The following RIF1 variants were observed in gnomAD, a reference collection of about 807,000 sequenced individuals.
RIF1 encodes telomere-associated protein RIF1.
A neutral mutation model predicts 247.1 loss-of-function variants in RIF1; 45 were observed. The observed-to-expected ratio is 0.18, with a 90% CI of 0.14 to 0.23. The LOEUF is 0.23. RIF1 is among the 10% of genes least tolerant of loss of function. RIF1 has a pLI of 1.00. For synonymous variants in RIF1, 1,087 were observed against 978.8 expected, an observed-to-expected ratio of 1.11 and a Z score of -2.06; for missense variants, 2,967 against 2,862.5, an observed-to-expected ratio of 1.04 and a Z score of -0.83.
intron 20 of RIF1, among the ~76,000 whole-genome samples, chr2:151,451,167 C>G (rs1278763822): frequency 6.6e-6 from 1 of 152,178 alleles, no homozygotes; most frequent in African/African-American, 2.4e-5. Context: ...GACCGCAAAT[C>G]TAGTGCTACA....
At chr2:151,456,508 G>T in intron 22 of RIF1, 70 bp from the exon 23 acceptor site, 2 of 812,784 alleles carry the variant, frequency 2.5e-6, no homozygotes, top group Non-Finnish European at 4.0e-6. Flanking sequence ...TTTTTCTTAG[G>T]ATTAGCTTGA....
In RIF1 at chr2:151,460,163, A is replaced by G. The variant is rs748239733; in HGVS notation, c.3075+44A>G. ...AATCAAAAATTTTAAGATAAAGTAT[A>G]TTGTAACTTACATACAACTTTAAAA... On this transcript the variant is annotated intron_variant, in intron 26 of 35. Coordinates refer to ENST00000444746, the MANE Select transcript of RIF1 (RefSeq NM_018151.5). 14 of 1,382,532 alleles carry G rather than the reference A, an allele frequency of 1.0e-5. No homozygotes were observed. In the African/African-American group the frequency reaches 1.6e-4, roughly 16 times the overall value. The allele number at this position is 1,382,532 out of a possible 1,614,324, so 85.6% of individuals were successfully genotyped here.
chr2:151,482,480 A>C (rs1291090192), downstream of RIF1, among the ~76,000 whole-genome samples: 2 of 152,086 alleles, frequency 1.3e-5, no homozygotes, highest in African/African-American at 4.8e-5. Flanking sequence ...GGTTTCGTCA[A>C]ATAAGGGCTG....
intron 21 of RIF1, among the ~76,000 whole-genome samples, chr2:151,452,303 T>C (rs1694448610): frequency 1.3e-5 from 2 of 152,224 alleles, no homozygotes; most frequent in Admixed American, 1.3e-4. Flanking sequence ...CAAATAGTTT[T>C]TAAAATCTGT....
At chr2:151,512,699 G>A (rs575237517), downstream of RIF1, 1 of 1,390,512 alleles carries the variant, frequency 7.2e-7, no homozygotes, top group South Asian at 1.2e-5. Flanking sequence ...TCATGATTGG[G>A]GTTTATGAGT....
At chr2:151,530,784 CCAGGTGT>C in the RIF1 span, 1 of 415,068 alleles carries the variant, frequency 2.4e-6, no homozygotes, top group Non-Finnish European at 4.3e-6. Flanking sequence ...TGACTGAGCC[CCAGGTGT>C]CTGCCAGCAA....
At chr2:151,411,386 T>TC in intron 3 of RIF1, 48 bp downstream of exon 3, 2 of 1,287,326 alleles carry the variant, frequency 1.6e-6, no homozygotes, top group Non-Finnish European at 2.2e-6. Flanking sequence ...TAGTTTGGTT[T>TC]TTTTTTTTGG....
At chr2:151,484,881 T>C (rs1404993223), downstream of RIF1, among the ~76,000 whole-genome samples, 3 of 152,174 alleles carry the variant, frequency 2.0e-5, no homozygotes, top group African/African-American at 4.8e-5. Flanking sequence ...GAGGTGTACG[T>C]TGGTCATTCG....
intron 11 of RIF1, chr2:151,499,578 G>T: frequency 2.2e-6 from 1 of 449,212 alleles, no homozygotes. Flanking sequence ...TGAAATATCA[G>T]TGTATTTGAT....
Position 151,496,474 on chromosome 2 carries a change from C to T in RIF1, c.*513+1148C>T, listed in dbSNP as rs566673738. 9.5e-6 allele frequency: 14 copies of T among 1,468,974 alleles called. No homozygotes were observed. The South Asian group carries it at 1.6e-4, about 17-fold the overall frequency. The allele number at this position is 1,468,974 out of a possible 1,614,324, so 91.0% of individuals were successfully genotyped here. A position where few individuals can be genotyped will look rare whatever the true frequency, so the allele number is the denominator to read the frequency against. On this transcript the variant is annotated intron_variant and NMD_transcript_variant, in intron 10 of 13. Transcript: ENST00000454583. Reference sequence around the variant, plus strand: ...TCCTTGTTAAGAAAACACAGTCGTCCAAGGAGCCAGAAGTTATATGCTGAC... The same window carrying T: ...TCCTTGTTAAGAAAACACAGTCGTCTAAGGAGCCAGAAGTTATATGCTGAC...
chr2:151,491,940 A>G (rs1459596125), intron 9 of RIF1: 2 of 995,242 alleles, frequency 2.0e-6, no homozygotes, highest in South Asian at 1.6e-5. Context: ...TAAGGTAGAA[A>G]TCAGCTTTGT....
At chr2:151,516,595 C>T in the RIF1 span, 2 of 1,391,982 alleles carry the variant, frequency 1.4e-6, no homozygotes, top group Middle Eastern at 1.8e-4. Flanking sequence ...AGATATCTCT[C>T]CTCTGGTCAA....
intron 18 of RIF1, 57 bp from the exon 19 acceptor site, chr2:151,445,281 A>G: frequency 1.0e-6 from 1 of 971,392 alleles, no homozygotes; most frequent in Non-Finnish European, 1.7e-6. Flanking sequence ...TTATGTTACT[A>G]CTTAGGATTA....
chr2:151,462,505 A>C, intron 29 of RIF1, 39 bp downstream of exon 29: 1 of 1,324,784 alleles, frequency 7.5e-7, no homozygotes, highest in Non-Finnish European at 1.1e-6. Context: ...TTTTAGAATC[A>C]CCCTTCCATT....
chr2:151,465,675 A>G lies in RIF1; in HGVS notation c.6155A>G (p.Asp2052Gly), dbSNP rs971575242. ...ATAACTACCAAAACCTCAAAGCCTG[A>G]TGAAGCTGAAACAAACATGTTGACT... ...EGITTKTSKP[D>G]EAETNMLTAE... The change falls in exon 30 of 36, where the codon GAT (aspartate) becomes GGT (glycine). Residue 2052 changes from aspartate to glycine, a missense_variant. Coordinates refer to ENST00000444746, the MANE Select transcript of RIF1 (RefSeq NM_018151.5). 26 of 1,614,194 alleles carry G rather than the reference A, an allele frequency of 1.6e-5. No homozygotes were observed. Among genetic ancestry groups the G allele is most frequent in the Non-Finnish European group, 2.2e-5 (26 of 1,180,032 alleles).
At chr2:151,533,864 C>T in the RIF1 span, among the ~76,000 whole-genome samples, 1,887 of 152,202 alleles carry the variant, frequency 0.012, 40 homozygotes, top group African/African-American at 0.043. Flanking sequence ...GTCTTCTTTC[C>T]TTCCATTAAT....
chr2:151,413,583 C>G (rs1388122521), intron 3 of RIF1, among the ~76,000 whole-genome samples: 2 of 152,178 alleles, frequency 1.3e-5, no homozygotes, highest in Non-Finnish European at 1.5e-5. Context: ...GGAACACTTT[C>G]AAGTAAGTTT....
chr2:151,465,268 T>C lies in RIF1; in HGVS notation c.5748T>C (p.Thr1916=), dbSNP rs745941122. The stretch of plus-strand genomic sequence containing the variant: ...AATCCAATCTAGAGAAAGCAAAAAC[T>C]ATGGAATTGAATGTAGGAAATGAAG... ...VTESNLEKAK[T]MELNVGNEAS... Residue 1916 remains threonine (T), a synonymous_variant, in exon 30 of 36, where the codon ACT becomes ACC. Transcript: ENST00000444746. 2.5e-6 allele frequency: 4 copies of C among 1,610,936 alleles called. No homozygotes were observed. The highest frequency in any genetic ancestry group is 2.5e-6 in the Non-Finnish European group (3 of 1,179,360).
At chr2:151,443,418 T>A in intron 17 of RIF1, 89 bp downstream of exon 17, 1 of 1,347,482 alleles carries the variant, frequency 7.4e-7, no homozygotes, top group Non-Finnish European at 1.0e-6. Context: ...AGTTTAAGTT[T>A]TTTTAAAAAA....
Sources: allele counts gnomAD v4.1 joint callset (sites outside exome capture counted in the v4.1 genomes callset), GRCh38; gene constraint gnomAD v4.1.1; transcripts MANE v1.5; gene names NCBI Gene and HGNC (gene_info 2026-07-23, HGNC 2026-07-21).